UGT1A7: variants seen among roughly 807,000 people sequenced by gnomAD.
UGT1A7 encodes UDP glucuronosyltransferase family 1 member A7, also known as UDP-glucuronosyltransferase 1A7.
A neutral mutation model predicts 45.6 loss-of-function variants in UGT1A7; 33 were observed. The ratio of observed to expected loss-of-function variants is 0.72; its 90% CI spans 0.55 to 0.97. UGT1A7 has a LOEUF of 0.97. Among genes scored for constraint, UGT1A7 ranks in the 50% least tolerant of loss-of-function variants. UGT1A7 has a pLI of 0.00. For missense variants in UGT1A7, 684 were observed against 666.2 expected, an observed-to-expected ratio of 1.03 and a Z score of -0.29; for synonymous variants, 274 against 250.6, an observed-to-expected ratio of 1.09 and a Z score of -0.88.
At chr2:233,713,167 T>C (rs768308601) in intron 1 of UGT1A7, 46 of 1,614,104 alleles carry the variant, frequency 2.8e-5, no homozygotes, top group Non-Finnish European at 1.8e-5. Flanking sequence ...CACCAGGTGG[T>C]GGTCCTCACC....
Position 233,755,090 on chromosome 2 carries a change from C to G in UGT1A7, c.856-11944C>G, listed in dbSNP as rs778198655. On this transcript the variant is annotated intron_variant, in intron 1 of 4. Transcript: ENST00000373426. ...CATAGCGGTCATAGATATCGCGTTT[C>G]TACGCGTCCGACAACACCTCGTAGG... 4 of 1,336,104 alleles carry G rather than the reference C, an allele frequency of 3.0e-6. No homozygotes were observed. The South Asian group carries it at 4.6e-5, about 15-fold the overall frequency. The allele number at this position is 1,336,104 out of a possible 1,614,324, so 82.8% of individuals were successfully genotyped here. A position where few individuals can be genotyped will look rare whatever the true frequency, so the allele number is the denominator to read the frequency against.
rs61261057 is a variant in UGT1A7 at position 233,682,280 on chromosome 2, G to A, written c.343G>A (p.Gly115Ser). 1.0e-3 allele frequency: 1,651 copies of A among 1,614,068 alleles called. 19 individuals carry two copies. The African/African-American group carries it at 0.02, about 19-fold the overall frequency. The part of the protein sequence containing the change: ...AFSLLTSSSN[G>S]IFDLFFSNCR... ...TTCTCTATTAACAAGTTCATCCAAT[G>A]GTATTTTTGACTTATTTTTTTCAAA... Residue 115 changes from glycine to serine, a missense_variant, in exon 1 of 5, where the codon GGT (glycine) becomes AGT (serine). Physicochemically the swap from Gly to Ser is moderately conservative, Grantham distance 56. Coordinates refer to ENST00000373426, the MANE Select transcript of UGT1A7 (RefSeq NM_019077.3).
At chr2:233,760,877 T>C in intron 1 of UGT1A7, 1 of 1,614,134 alleles carries the variant, frequency 6.2e-7, no homozygotes, top group South Asian at 1.1e-5. Flanking sequence ...CCCAGGCCTC[T>C]CTCCTCTCAT....
intron 1 of UGT1A7, chr2:233,690,772 CACAT>C (rs1408183947): frequency 4.5e-5 from 49 of 1,080,518 alleles, no homozygotes; most frequent in Admixed American, 2.5e-4. Flanking sequence ...CACACACACA[CACAT>C]ACACACACAC....
chr2:233,729,351 C>T, intron 1 of UGT1A7: 1 of 1,614,194 alleles, frequency 6.2e-7, no homozygotes, highest in Non-Finnish European at 8.5e-7. Context: ...AGAACTTTTT[C>T]ACCCTGACAA....
intron 1 of UGT1A7, among the ~76,000 whole-genome samples, chr2:233,711,092 G>A (rs138181984): frequency 6.6e-6 from 1 of 152,130 alleles, no homozygotes; most frequent in Admixed American, 6.5e-5. Flanking sequence ...AAGTCTATCT[G>A]TGCAGCCCAG....
intron 1 of UGT1A7, among the ~76,000 whole-genome samples, chr2:233,710,566 G>C (rs1422927830): frequency 6.6e-6 from 1 of 152,066 alleles, no homozygotes; most frequent in Admixed American, 6.5e-5. Flanking sequence ...CTTTTAAAAG[G>C]TGCCCTTTCA....
At chr2:233,772,152 T>C (rs1386097688) in intron 4 of UGT1A7, 110 bp from the exon 5 acceptor site, 1 of 1,556,926 alleles carries the variant, frequency 6.4e-7, no homozygotes, top group African/African-American at 1.4e-5. Flanking sequence ...ACAGGTTTCC[T>C]TTCCCAAGTT....
chr2:233,729,477 GA>G, intron 1 of UGT1A7: 2 of 1,614,194 alleles, frequency 1.2e-6, no homozygotes, highest in Middle Eastern at 1.6e-4. Context: ...TGGCAATGTT[GA>G]ACAATATGTC....
At chr2:233,757,771 A>G (rs925177118) in intron 1 of UGT1A7, among the ~76,000 whole-genome samples, 1 of 151,622 alleles carries the variant, frequency 6.6e-6, no homozygotes, top group Non-Finnish European at 1.5e-5. Context: ...CTTTAGTAAT[A>G]AGCCTGTCAT....
chr2:233,732,988 A>G (rs1229388151), intron 1 of UGT1A7, among the ~76,000 whole-genome samples: 2 of 152,034 alleles, frequency 1.3e-5, no homozygotes, highest in Non-Finnish European at 2.9e-5. Flanking sequence ...TATTTCGTTG[A>G]GCAGTGGTTT....
At chr2:233,697,854 T>A (rs1429230679) in intron 1 of UGT1A7, among the ~76,000 whole-genome samples, 1 of 152,198 alleles carries the variant, frequency 6.6e-6, no homozygotes, top group Non-Finnish European at 1.5e-5. Flanking sequence ...TAAGCAAAAG[T>A]TATGCATTTA....
intron 1 of UGT1A7, among the ~76,000 whole-genome samples, chr2:233,710,292 T>A (rs754127967): frequency 6.6e-6 from 1 of 152,204 alleles, no homozygotes. Context: ...AAAGTGGGAT[T>A]GTTGGGTTGC....
At chr2:233,751,848 C>A (rs1317042286) in intron 1 of UGT1A7, among the ~76,000 whole-genome samples, 1 of 152,136 alleles carries the variant, frequency 6.6e-6, no homozygotes, top group African/African-American at 2.4e-5. Context: ...GTCATTTAAA[C>A]CTTTGTCTTT....
At chr2:233,689,804 T>C (rs2074959921) in intron 1 of UGT1A7, 1 of 438,570 alleles carries the variant, frequency 2.3e-6, no homozygotes. Context: ...GTAGTTTCTA[T>C]AGGAAACCAA....
At chr2:233,766,566 G>A (rs930471985) in intron 1 of UGT1A7, among the ~76,000 whole-genome samples, 1 of 152,162 alleles carries the variant, frequency 6.6e-6, no homozygotes, top group Non-Finnish European at 1.5e-5. Context: ...AGGTCCATGG[G>A]CACAGGTCTG....
intron 1 of UGT1A7, among the ~76,000 whole-genome samples, chr2:233,694,115 C>G (rs535422015): frequency 2.0e-5 from 3 of 152,126 alleles, no homozygotes; most frequent in Non-Finnish European, 4.4e-5. Context: ...TAATCTGGGA[C>G]AGTCACATAC....
chr2:233,686,654 A>G (rs1262274748), intron 1 of UGT1A7, among the ~76,000 whole-genome samples: 1 of 152,090 alleles, frequency 6.6e-6, no homozygotes, highest in Non-Finnish European at 1.5e-5. Context: ...AACATGATAC[A>G]CTACCTCTTT....
rs1299617457 is a variant in UGT1A7, at chr2:233,724,834, A to G, written c.855+42042A>G. On this transcript the variant is annotated intron_variant, in intron 1 of 4. Coordinates refer to ENST00000373426, the MANE Select transcript of UGT1A7 (RefSeq NM_019077.3). ...GAGGCTGCAATCTCGGCACTTTGGG[A>G]GGCCAAGGCAGGCGGCTGGGAGGTG... 3.0e-5 allele frequency among the ~76,000 whole-genome samples: 4 copies of G among 132,466 alleles called. 1 individual carries two copies. The highest frequency in any genetic ancestry group is 6.3e-5 in the Non-Finnish European group (4 of 63,510). 86.9% of individuals were successfully genotyped at this position (132,466 alleles called of 152,430 possible).
Sources: allele counts gnomAD v4.1 joint callset (sites outside exome capture counted in the v4.1 genomes callset), GRCh38; gene constraint gnomAD v4.1.1; transcripts MANE v1.5; gene names NCBI Gene and HGNC (gene_info 2026-07-23, HGNC 2026-07-21).